The following ARHGAP42 variants were observed in gnomAD, a reference collection of about 807,000 sequenced individuals.
ARHGAP42 encodes the protein rho GTPase-activating protein 42.
ARHGAP42 carries 63 observed loss-of-function variants against 125.0 expected under a neutral mutation model. That is an observed-to-expected ratio of 0.50 (90% CI 0.41 to 0.62). The LOEUF (loss-of-function observed/expected upper bound fraction) is 0.62, where lower values mean the gene tolerates loss of function less well. Ranked by LOEUF, ARHGAP42 falls within the 20% of genes least tolerant of loss-of-function variation. ARHGAP42 has a pLI of 0.00. For synonymous variants in ARHGAP42, 339 were observed against 351.0 expected (o/e 0.97, Z 0.38); for missense variants, 766 against 1,024.2 (o/e 0.75, Z 3.44).
intron 1 of ARHGAP42, among the ~76,000 whole-genome samples, chr11:100,727,121 TG>T (rs1861875503): frequency 6.6e-6 from 1 of 152,238 alleles, no homozygotes; most frequent in Non-Finnish European, 1.5e-5. Flanking sequence ...AAATTATTAT[TG>T]TTCATTCTGA....
intron 17 of ARHGAP42, among the ~76,000 whole-genome samples, chr11:100,968,872 A>G (rs1033492010): frequency 6.6e-6 from 1 of 152,172 alleles, no homozygotes; most frequent in Non-Finnish European, 1.5e-5. Context: ...CAAGAAAAGG[A>G]AGGAGAAGAA....
intron 19 of ARHGAP42, 111 bp from the exon 20 acceptor site, chr11:100,975,946 G>C (rs776828477): frequency 1.3e-4 from 165 of 1,238,464 alleles, no homozygotes; most frequent in Non-Finnish European, 1.7e-4. Context: ...ACTTTAATGG[G>C]GTCAGGTGGC....
At chr11:100,972,206 T>G (rs1007544918) in intron 17 of ARHGAP42, among the ~76,000 whole-genome samples, 5 of 152,176 alleles carry the variant, frequency 3.3e-5, no homozygotes, top group African/African-American at 1.2e-4. Flanking sequence ...TGACGCATGG[T>G]CAGTCCGACA....
intron 2 of ARHGAP42, among the ~76,000 whole-genome samples, chr11:100,770,863 G>A (rs551694587): frequency 6.6e-6 from 1 of 152,360 alleles, no homozygotes; most frequent in East Asian, 1.9e-4. Flanking sequence ...ACTGGCGTGA[G>A]CCACTGCGCT....
chr11:100,911,012 A>G (rs1866897021), intron 4 of ARHGAP42, among the ~76,000 whole-genome samples: 2 of 152,168 alleles, frequency 1.3e-5, no homozygotes, highest in African/African-American at 4.8e-5. Flanking sequence ...CAAAGATACA[A>G]GTGTTGTCAC....
intron 3 of ARHGAP42, among the ~76,000 whole-genome samples, chr11:100,857,252 A>G (rs760971308): frequency 5.6e-4 from 86 of 152,256 alleles, no homozygotes; most frequent in Non-Finnish European, 1.0e-3. Context: ...GCAAATCCCA[A>G]AACAAAGGAA....
chr11:100,921,715 AT>A (rs1427784824), intron 6 of ARHGAP42, 111 bp downstream of exon 6: 2 of 687,842 alleles, frequency 2.9e-6, no homozygotes, highest in African/African-American at 3.7e-5. Flanking sequence ...ATTGATAAAA[AT>A]AAAAGGGGAG....
At chr11:100,959,833 G>A (rs1360530559) in intron 12 of ARHGAP42, 50 bp from the exon 13 acceptor site, 2 of 1,501,196 alleles carry the variant, frequency 1.3e-6, no homozygotes, top group Non-Finnish European at 1.8e-6. Context: ...ACTGAAGGGG[G>A]AATGTGAGTT....
In ARHGAP42 at chr11:100,978,991, G is replaced by T; in HGVS notation, c.2398G>T (p.Ala800Ser). The T allele has an allele frequency of 6.4e-7, 1 of 1,551,406 alleles. No homozygotes were observed. Among genetic ancestry groups the T allele is most frequent in the Non-Finnish European group, 8.7e-7 (1 of 1,146,792 alleles). Reference sequence around the variant, plus strand: ...GCATTTTAAATCATTTTTCAGAGTGGCAGCAAAAGCTCAACTGTTTGAAAA... The same window carrying T: ...GCATTTTAAATCATTTTTCAGAGTGTCAGCAAAAGCTCAACTGTTTGAAAA... ...NGYQRPGSVVAAKAQLFENVG... is the reference protein window; with the variant it reads ...NGYQRPGSVVSAKAQLFENVG... Residue 800 changes from alanine to serine, a missense_variant, in exon 22 of 24, where the codon GCA becomes TCA. Transcript: ENST00000298815.
chr11:100,823,926 G>A (rs542570993), intron 3 of ARHGAP42, among the ~76,000 whole-genome samples: 87 of 152,164 alleles, frequency 5.7e-4, no homozygotes, highest in African/African-American at 2.0e-3. Context: ...TGTCATTATT[G>A]AGGATATTTG....
At chr11:100,829,178 T>C (rs1319976101) in intron 3 of ARHGAP42, among the ~76,000 whole-genome samples, 1 of 151,932 alleles carries the variant, frequency 6.6e-6, no homozygotes, top group African/African-American at 2.4e-5. Context: ...GGCATCAGGT[T>C]CATGTTTCAG....
In ARHGAP42 at chr11:100,992,474, C is replaced by A; in HGVS notation, c.*3673C>A. The A allele has an allele frequency of 6.2e-7, 1 of 1,613,906 alleles. No homozygotes were observed. Among genetic ancestry groups the A allele is most frequent in the South Asian group, 1.1e-5 (1 of 91,058 alleles). On this transcript the variant is annotated 3_prime_UTR_variant, in exon 24 of 24. Coordinates refer to ENST00000298815, the MANE Select transcript of ARHGAP42 (RefSeq NM_152432.4). ...CTTTGCCTCCTACCCTTTTTTGTTA[C>A]CTTCCAAAATCAAGACACTTTTAAG...
intron 1 of ARHGAP42, among the ~76,000 whole-genome samples, chr11:100,711,428 C>T (rs901366818): frequency 1.3e-5 from 2 of 152,174 alleles, no homozygotes; most frequent in Non-Finnish European, 2.9e-5. Context: ...GATCTTGGCT[C>T]ACTGCAGCCT....
chr11:100,833,419 C>T (rs1332714160), intron 3 of ARHGAP42, among the ~76,000 whole-genome samples: 1 of 152,140 alleles, frequency 6.6e-6, no homozygotes, highest in East Asian at 1.9e-4. Context: ...CATGTATTTA[C>T]TCATGAATCT....
intron 3 of ARHGAP42, among the ~76,000 whole-genome samples, chr11:100,836,433 G>T (rs1434112108): frequency 2.0e-5 from 3 of 152,022 alleles, no homozygotes. Context: ...TCAATTTCTA[G>T]GTCTGAAATT....
chr11:100,894,853 A>G (rs1446271747), intron 4 of ARHGAP42, among the ~76,000 whole-genome samples: 2 of 152,162 alleles, frequency 1.3e-5, no homozygotes, highest in Non-Finnish European at 2.9e-5. Context: ...TACAATTCCC[A>G]CCTTTCTAAC....
At chr11:100,855,783 C>T (rs549731935) in intron 3 of ARHGAP42, among the ~76,000 whole-genome samples, 8 of 152,020 alleles carry the variant, frequency 5.3e-5, no homozygotes, top group African/African-American at 1.9e-4. Context: ...TAAAGTATTA[C>T]CAAATATCAG....
chr11:100,871,488 G>C (rs1220960645), intron 4 of ARHGAP42, among the ~76,000 whole-genome samples: 2 of 149,674 alleles, frequency 1.3e-5, no homozygotes, highest in South Asian at 2.1e-4. Flanking sequence ...GGAGGTTGCA[G>C]TGAGCCGAGA....
intron 1 of ARHGAP42, among the ~76,000 whole-genome samples, chr11:100,761,257 A>T (rs1420993659): frequency 6.6e-6 from 1 of 152,136 alleles, no homozygotes; most frequent in East Asian, 1.9e-4. Flanking sequence ...AAAGAGAAAC[A>T]GTATTGAGGT....
Sources: gnomAD v4.1 joint callset for allele counts (sites outside exome capture counted in the v4.1 genomes callset) on GRCh38, gnomAD v4.1.1 for gene constraint, MANE v1.5 for transcripts, NCBI Gene and HGNC (gene_info 2026-07-23, HGNC 2026-07-21) for gene names.